Variants in ALK observed in about 807,000 individuals in gnomAD.
ALK encodes ALK receptor tyrosine kinase.
ALK carries 74 observed loss-of-function variants against 163.1 expected under a neutral mutation model. The observed-to-expected ratio is 0.45, with a 90% CI of 0.38 to 0.55. The LOEUF (loss-of-function observed/expected upper bound fraction) is 0.55, where lower values mean the gene tolerates loss of function less well. Among genes scored for constraint, ALK ranks in the 20% least tolerant of loss-of-function variants. The pLI, the probability that ALK is intolerant of heterozygous loss-of-function variation, is 0.00. For synonymous variants in ALK, 960 were observed against 843.2 expected, an observed-to-expected ratio of 1.14 and a Z score of -2.40; for missense variants, 2,063 against 2,105.3, an observed-to-expected ratio of 0.98 and a Z score of 0.39.
At chr2:29,320,718 G>T in intron 7 of ALK, 33 bp downstream of exon 7, 1 of 1,612,408 alleles carries the variant, frequency 6.2e-7, no homozygotes, top group Non-Finnish European at 8.5e-7. Context: ...CATGAAGATG[G>T]GCACCAGAGA....
chr2:29,728,919 C>T (rs1679655128), intron 1 of ALK, among the ~76,000 whole-genome samples: 2 of 152,188 alleles, frequency 1.3e-5, no homozygotes, highest in African/African-American at 2.4e-5. Flanking sequence ...TTCATAAATG[C>T]CTGCTGCCTT....
At chr2:29,370,224 G>C (rs749695201) in intron 5 of ALK, among the ~76,000 whole-genome samples, 1 of 152,228 alleles carries the variant, frequency 6.6e-6, no homozygotes, top group African/African-American at 2.4e-5. Flanking sequence ...TCAGGACAGA[G>C]GCTTTGAGCT....
intron 4 of ALK, among the ~76,000 whole-genome samples, chr2:29,416,729 T>C (rs1335158751): frequency 1.3e-5 from 2 of 152,154 alleles, no homozygotes; most frequent in East Asian, 1.9e-4. Flanking sequence ...CAACATGAGG[T>C]ACTACAGTAG....
At position 29,637,668 on chromosome 2, in the gene ALK, C is replaced by T. The variant is rs566396511; in HGVS notation, c.952+57182G>A. Among the ~76,000 whole-genome samples the T allele has an allele frequency of 2.1e-4, 30 of 146,320 alleles. No individual in the cohort carries two copies. The East Asian group carries it at 3.8e-3, about 19-fold the overall frequency. ...AGGTTGCAGTGAGCCGACATTGCAC[C>T]GCCGCACTCCAGCCTGGGTGACAGA... On this transcript the variant is annotated intron_variant, in intron 3 of 28. Transcript: ENST00000389048.
chr2:29,569,571 C>G (rs866271570), intron 3 of ALK, among the ~76,000 whole-genome samples: 77 of 151,700 alleles, frequency 5.1e-4, no homozygotes, highest in East Asian at 1.8e-3. Flanking sequence ...CTTCCCCCCC[C>G]CTAGTGAGGT....
intron 3 of ALK, chr2:29,680,908 A>G (rs1378092412): frequency 6.6e-6 from 1 of 151,960 alleles, no homozygotes; most frequent in Admixed American, 6.6e-5. Context: ...TTGTTTCTTC[A>G]TTTAGTAACT....
intron 1 of ALK, among the ~76,000 whole-genome samples, chr2:29,817,312 G>A (rs1358956943): frequency 6.6e-6 from 1 of 152,182 alleles, no homozygotes; most frequent in East Asian, 1.9e-4. Flanking sequence ...CAGCTTTCAT[G>A]GATCTCAGTT....
intron 13 of ALK, among the ~76,000 whole-genome samples, chr2:29,238,270 C>T (rs1191741756): frequency 2.0e-5 from 3 of 152,174 alleles, no homozygotes; most frequent in Non-Finnish European, 4.4e-5. Context: ...GATCTTGGCT[C>T]ACTGCAACCT....
intron 3 of ALK, among the ~76,000 whole-genome samples, chr2:29,610,652 T>C (rs1675665868): frequency 6.6e-6 from 1 of 152,168 alleles, no homozygotes; most frequent in Admixed American, 6.5e-5. Context: ...ACTGACAAGA[T>C]CATAGCTCTA....
At position 29,920,339 on chromosome 2, in the gene ALK, C is replaced by A. The variant is rs1353027067; in HGVS notation, c.321G>T (p.Gly107=). 3.2e-6 allele frequency: 5 copies of A among 1,551,584 alleles called. No homozygotes were observed. The highest frequency in any genetic ancestry group is 1.4e-5 in the African/African-American group (1 of 73,372). ...PLLRLLGPAP[G]VSWTAGSPAP... ...CTGGTGAACCGGCGGTCCAGGAGAC[C>A]CCCGGCGCCGGCCCCAGCAACCTGA... The change falls in exon 1 of 29, where the codon GGG becomes GGT. Residue 107 remains glycine, a synonymous_variant. Coordinates refer to ENST00000389048, the MANE Select transcript of ALK (RefSeq NM_004304.5).
intron 1 of ALK, among the ~76,000 whole-genome samples, chr2:29,900,227 G>A (rs1030688155): frequency 3.3e-5 from 5 of 152,206 alleles, no homozygotes; most frequent in Non-Finnish European, 7.3e-5. Context: ...TAGATCTCAG[G>A]GGAAGAGAAA....
chr2:29,396,690 A>G (rs1669312770), intron 4 of ALK, among the ~76,000 whole-genome samples: 1 of 151,770 alleles, frequency 6.6e-6, no homozygotes, highest in Non-Finnish European at 1.5e-5. Flanking sequence ...CAAAAACAAA[A>G]ACAAACAAAA....
chr2:29,761,799 G>A (rs770591476), intron 1 of ALK, among the ~76,000 whole-genome samples: 2 of 152,220 alleles, frequency 1.3e-5, no homozygotes, highest in Non-Finnish European at 2.9e-5. Flanking sequence ...TCTGGATGGG[G>A]TGAGCAATCT....
chr2:29,903,860 T>C (rs1183815601), intron 1 of ALK, among the ~76,000 whole-genome samples: 1 of 152,134 alleles, frequency 6.6e-6, no homozygotes, highest in Non-Finnish European at 1.5e-5. Context: ...TGCAACTGTT[T>C]ATAGAAATAA....
At chr2:29,515,647 A>T (rs796205320) in intron 4 of ALK, among the ~76,000 whole-genome samples, 1 of 152,190 alleles carries the variant, frequency 6.6e-6, no homozygotes, top group Non-Finnish European at 1.5e-5. Flanking sequence ...TTGGAAATCA[A>T]TAAACAATTT....
At chr2:29,660,779 C>T (rs1012318224) in intron 3 of ALK, among the ~76,000 whole-genome samples, 2 of 152,058 alleles carry the variant, frequency 1.3e-5, no homozygotes, top group African/African-American at 4.8e-5. Context: ...AAGCTCACAG[C>T]TTTCTTTCCT....
At chr2:29,593,411 T>C (rs145614202) in intron 3 of ALK, among the ~76,000 whole-genome samples, 4 of 152,340 alleles carry the variant, frequency 2.6e-5, no homozygotes, top group Admixed American at 2.6e-4. Flanking sequence ...AATGAGGGAA[T>C]TGACCCCTCT....
At chr2:29,264,729 A>G (rs1259536681) in intron 11 of ALK, among the ~76,000 whole-genome samples, 1 of 152,240 alleles carries the variant, frequency 6.6e-6, no homozygotes, top group African/African-American at 2.4e-5. Flanking sequence ...CATGCATGCC[A>G]GGGGTACAGT....
intron 1 of ALK, among the ~76,000 whole-genome samples, chr2:29,854,250 C>A (rs1254240887): frequency 6.6e-5 from 10 of 152,138 alleles, no homozygotes; most frequent in Non-Finnish European, 1.5e-4. Flanking sequence ...GCAATGATAT[C>A]ATTTGGATGT....
Sources: allele counts gnomAD v4.1 joint callset (sites outside exome capture counted in the v4.1 genomes callset), GRCh38; gene constraint gnomAD v4.1.1; transcripts MANE v1.5; gene names NCBI Gene and HGNC (gene_info 2026-07-23, HGNC 2026-07-21).